ZNF736: variants seen among roughly 807,000 people sequenced by gnomAD.
ZNF736 encodes the protein zinc finger protein 736.
ZNF736 carries 6 observed loss-of-function variants against 11.7 expected under a neutral mutation model. The observed-to-expected ratio is 0.51, with a 90% CI of 0.28 to 1.01. The LOEUF is 1.01. Ranked by LOEUF, ZNF736 falls within the 50% of genes least tolerant of loss-of-function variation. ZNF736 has a pLI of 0.09. For synonymous variants in ZNF736, 139 were observed against 164.7 expected (o/e 0.84, Z 1.19); for missense variants, 444 against 496.0 (o/e 0.90, Z 1.00).
At chr7:64,326,071 C>T (rs1789078474) in intron 1 of ZNF736, among the ~76,000 whole-genome samples, 1 of 152,044 alleles carries the variant, frequency 6.6e-6, no homozygotes, top group Admixed American at 6.6e-5. Context: ...CAGCAGATTG[C>T]CTATGATGGG....
intron 1 of ZNF736, among the ~76,000 whole-genome samples, chr7:64,323,255 A>T (rs118155358): frequency 0.056 from 8,575 of 152,234 alleles, 383 homozygotes; most frequent in Admixed American, 0.14. Context: ...AATATTTTTT[A>T]AAAATACCGG....
intron 1 of ZNF736, among the ~76,000 whole-genome samples, chr7:64,335,355 G>A (rs1347834220): frequency 6.6e-6 from 1 of 151,978 alleles, no homozygotes; most frequent in African/African-American, 2.4e-5. Flanking sequence ...GATATTTGTA[G>A]CTTACATTTT....
rs1207279320 is a variant in ZNF736, at chr7:64,319,331, GTGTATATATATATATATATATA to G, written c.3+5180_3+5201del. On this transcript the variant is annotated intron_variant, in intron 1 of 3. Transcript: ENST00000423484. The stretch of plus-strand genomic sequence containing the variant: ...TGTATATGTATGTGTGTGTGTGTAT[GTGTATATATATATATATATATA>G]TATATATATATATATATATATATAT... Among the ~76,000 whole-genome samples, 18 of 75,510 alleles carry G rather than the reference GTGTATATATATATATATATATA, an allele frequency of 2.4e-4. 1 individual carries two copies. Among genetic ancestry groups the G allele is most frequent in the Non-Finnish European group, 2.9e-4 (11 of 37,788 alleles). 49.5% of individuals were successfully genotyped at this position (75,510 alleles called of 152,430 possible).
chr7:64,339,642 C>T (rs570509918), intron 3 of ZNF736, among the ~76,000 whole-genome samples: 16 of 150,974 alleles, frequency 1.1e-4, no homozygotes, highest in African/African-American at 3.4e-4. Flanking sequence ...CCACTGATAT[C>T]GGTGTGCATT....
intron 1 of ZNF736, among the ~76,000 whole-genome samples, chr7:64,333,056 A>G (rs1789193395): frequency 6.6e-6 from 1 of 152,210 alleles, no homozygotes; most frequent in Non-Finnish European, 1.5e-5. Context: ...CGAAGATAAC[A>G]GATTAAGAGA....
chr7:64,337,771 T>TTTTTA (rs1789280017), intron 3 of ZNF736, among the ~76,000 whole-genome samples: 1 of 146,378 alleles, frequency 6.8e-6, no homozygotes, highest in Non-Finnish European at 1.5e-5. Flanking sequence ...TTTTTTTTTT[T>TTTTTA]GAGACAGAGT....
At chr7:64,342,013 T>C (rs1461920744) in intron 3 of ZNF736, among the ~76,000 whole-genome samples, 2 of 152,226 alleles carry the variant, frequency 1.3e-5, no homozygotes, top group Non-Finnish European at 2.9e-5. Flanking sequence ...GACAATTTTT[T>C]GATGTATGCT....
Position 64,336,222 on chromosome 7 carries a change from T to C in ZNF736, c.4-37T>C, listed in dbSNP as rs555289985. 1.8e-4 allele frequency: 290 copies of C among 1,591,296 alleles called. 1 individual carries two copies. In the African/African-American group the frequency reaches 3.2e-3, roughly 17 times the overall value. On this transcript the variant is annotated intron_variant, in intron 1 of 3. Coordinates refer to ENST00000423484, the MANE Select transcript of ZNF736 (RefSeq NM_001170905.3). ...TACCTGATGTCAAATCAAGAATTCT[T>C]TCTATGGTCACTTGGTAAATATGTT...
intron 1 of ZNF736, among the ~76,000 whole-genome samples, chr7:64,319,335 A>G (rs71533961): frequency 0.38 from 13,649 of 36,356 alleles, 1,310 homozygotes; most frequent in African/African-American, 0.4. Context: ...GTGTATGTGT[A>G]TATATATATA....
At chr7:64,328,726 C>T (rs1401073853) in intron 1 of ZNF736, among the ~76,000 whole-genome samples, 2 of 152,070 alleles carry the variant, frequency 1.3e-5, no homozygotes, top group African/African-American at 2.4e-5. Context: ...TGTGCCACTG[C>T]ACTCCAGCCT....
In ZNF736 at chr7:64,348,808, T is replaced by C; in HGVS notation, c.945T>C (p.Cys315=). ...IIHTGDKPYT[C]NECGKAFKWF... ...ATACTGGAGACAAACCCTACACATG[T>C]AATGAATGTGGAAAAGCTTTTAAGT... The change falls in exon 4 of 4, where the codon TGT becomes TGC. Residue 315 remains cysteine, a synonymous_variant. Coordinates refer to ENST00000423484, the MANE Select transcript of ZNF736 (RefSeq NM_001170905.3). The C allele has an allele frequency of 1.3e-6, 2 of 1,587,286 alleles. No individual in the cohort carries two copies. Among genetic ancestry groups the C allele is most frequent in the Non-Finnish European group, 8.6e-7 (1 of 1,166,584 alleles).
intron 1 of ZNF736, among the ~76,000 whole-genome samples, chr7:64,325,069 G>A (rs7805849): frequency 0.34 from 51,567 of 151,772 alleles, 9,426 homozygotes; most frequent in African/African-American, 0.49. Flanking sequence ...ATTGACTTTC[G>A]TTATAGATTA....
intron 1 of ZNF736, 95 bp downstream of exon 1, chr7:64,314,248 T>G (rs374483341): frequency 5.4e-4 from 799 of 1,475,280 alleles, no homozygotes; most frequent in Middle Eastern, 7.0e-4. Context: ...TCTCGCGGTC[T>G]GCTCTGGAGT....
chr7:64,330,678 AC>A (rs1235331876), intron 1 of ZNF736, among the ~76,000 whole-genome samples: 4 of 152,144 alleles, frequency 2.6e-5, no homozygotes, highest in African/African-American at 9.6e-5. Context: ...ACTGGGTCTC[AC>A]CCGCCGAAGG....
chr7:64,328,378 T>C (rs1351069762), intron 1 of ZNF736, among the ~76,000 whole-genome samples: 3 of 152,030 alleles, frequency 2.0e-5, no homozygotes, highest in African/African-American at 7.2e-5. Context: ...CTGTCAAACA[T>C]ATTGGTGCTT....
rs578259964 is a variant in ZNF736, at chr7:64,341,320, TTTA to T, written c.226+4340_226+4342del. Among the ~76,000 whole-genome samples the T allele has an allele frequency of 6.1e-3, 926 of 152,186 alleles. 5 individuals are homozygous for T. Among genetic ancestry groups the T allele is most frequent in the Non-Finnish European group, 0.011 (719 of 67,986 alleles). ...TGGGGTATGTTTTCTGTCTTTTTTT[TTTA>T]TGTTACGTGATCCTTTTATGAAATT... On this transcript the variant is annotated intron_variant, in intron 3 of 3. Transcript: ENST00000423484.
chr7:64,327,732 T>C (rs748224753), intron 1 of ZNF736, among the ~76,000 whole-genome samples: 4 of 152,176 alleles, frequency 2.6e-5, no homozygotes, highest in Non-Finnish European at 5.9e-5. Context: ...GAGGTTACCA[T>C]GAGGCTTGCA....
In ZNF736 at chr7:64,334,593, T is replaced by C. The variant is rs187081701; in HGVS notation, c.4-1666T>C. On this transcript the variant is annotated intron_variant, in intron 1 of 3. Transcript: ENST00000423484. ...GCAAATCAAAACCACAATGAGATAC[T>C]ATCTCACACCAGTTAGAATGGCGAG... 1.3e-4 allele frequency among the ~76,000 whole-genome samples: 20 copies of C among 152,260 alleles called. No homozygotes were observed. The East Asian group carries it at 3.9e-3, about 29-fold the overall frequency.
Position 64,349,294 on chromosome 7 carries a change from CT to C in ZNF736, c.*149del. Reference sequence around the variant, plus strand: ...AAGAACTTACTTTATAATCTGGTTGCTTATATGTTGGGTACATATATAGCCC... The same window carrying C: ...AAGAACTTACTTTATAATCTGGTTGCTATATGTTGGGTACATATATAGCCC... On this transcript the variant is annotated 3_prime_UTR_variant, in exon 4 of 4. Transcript: ENST00000423484. 1 of 742,810 alleles carries C rather than the reference CT, an allele frequency of 1.3e-6. No individual in the cohort carries two copies. The highest frequency in any genetic ancestry group is 2.1e-6 in the Non-Finnish European group (1 of 482,420). The allele number at this position is 742,810 out of a possible 1,614,324, so 46.0% of individuals were successfully genotyped here. A position where few individuals can be genotyped will look rare whatever the true frequency, so the allele number is the denominator to read the frequency against.
Sources: allele counts gnomAD v4.1 joint callset (sites outside exome capture counted in the v4.1 genomes callset), GRCh38; gene constraint gnomAD v4.1.1; transcripts MANE v1.5; gene names NCBI Gene and HGNC (gene_info 2026-07-23, HGNC 2026-07-21).